NEUROG1: variants seen among roughly 807,000 people sequenced by gnomAD.
NEUROG1 encodes neurogenin-1.
A neutral mutation model predicts 5.7 loss-of-function variants in NEUROG1; 5 were observed. The observed-to-expected ratio is 0.88, with a 90% CI of 0.46 to 1.85. NEUROG1 has a LOEUF of 1.85. NEUROG1 is among the 40% of genes most tolerant of loss of function. The pLI, the probability that NEUROG1 is intolerant of heterozygous loss-of-function variation, is 0.01. For synonymous variants in NEUROG1, 196 were observed against 157.4 expected, an observed-to-expected ratio of 1.25 and a Z score of -1.84; for missense variants, 403 against 345.7, an observed-to-expected ratio of 1.17 and a Z score of -1.32.
rs1377194625 is a variant in NEUROG1, at chr5:135,535,658, G to A, written c.33C>T (p.Asp11=). MPARLETCIS[D]LDCASSSGSD... ...TGCCGCTGCTGCTGGCGCAGTCGAG[G>A]TCGGAGATGCAGGTCTCAAGGCGGG... The change falls in exon 1 of 1, where the codon GAC becomes GAT. Residue 11 remains aspartate, a synonymous_variant. Coordinates refer to ENST00000314744, the MANE Select transcript of NEUROG1 (RefSeq NM_006161.3). The A allele has an allele frequency of 1.3e-6, 2 of 1,580,108 alleles. No individual in the cohort carries two copies. Among genetic ancestry groups the A allele is most frequent in the South Asian group, 1.2e-5 (1 of 86,386 alleles).
rs765604357 is a variant in NEUROG1, at chr5:135,535,147, C to A, written c.544G>T (p.Asp182Tyr). The A allele has an allele frequency of 3.9e-5, 62 of 1,608,694 alleles. No individual in the cohort carries two copies. The highest frequency in any genetic ancestry group is 5.0e-5 in the Non-Finnish European group (59 of 1,177,688). ...GCACCTGAGCCCCAGGACTCCGCGTCGCTGGCGGGGCTTGGGGGACCGGGC... is the reference window on the plus strand; with the variant it reads ...GCACCTGAGCCCCAGGACTCCGCGTAGCTGGCGGGGCTTGGGGGACCGGGC... ...CLPGPPSPASDAESWGSGAAA... is the reference protein window; with the variant it reads ...CLPGPPSPASYAESWGSGAAA... Residue 182 changes from aspartate (D) to tyrosine (Y), a missense_variant, in exon 1 of 1, where the codon GAC (aspartate) becomes TAC (tyrosine). Coordinates refer to ENST00000314744, the MANE Select transcript of NEUROG1 (RefSeq NM_006161.3).
Position 135,535,899 on chromosome 5 carries a change from G to A in NEUROG1, c.-209C>T. 1 of 480,570 alleles carries A rather than the reference G, an allele frequency of 2.1e-6. No individual in the cohort carries two copies. The highest frequency in any genetic ancestry group is 3.7e-6 in the Non-Finnish European group (1 of 273,504). 29.8% of individuals were successfully genotyped at this position (480,570 alleles called of 1,614,324 possible). A position where few individuals can be genotyped will look rare whatever the true frequency, so the allele number is the denominator to read the frequency against. ...CTCGCCTCGCCTGCAGGGGCCACGC[G>A]CCCGGCCGGTCTCCTGAGTGATGTC... On this transcript the variant is annotated 5_prime_UTR_variant, in exon 1 of 1. Transcript: ENST00000314744.
Position 135,535,493 on chromosome 5 carries a change from G to A in NEUROG1, c.198C>T (p.Asp66=), listed in dbSNP as rs1261229301. The change falls in exon 1 of 1, where the codon GAC becomes GAT. Residue 66 remains aspartate (D), a synonymous_variant. Transcript: ENST00000314744. ...SRASEVPGAQ[D]DEQERRRRRG... Reference sequence around the variant, plus strand: ...GGCGCCGCCGCCTCTCCTGCTCGTCGTCCTGTGCCCCTGGAACCTCAGACG... The same window carrying A: ...GGCGCCGCCGCCTCTCCTGCTCGTCATCCTGTGCCCCTGGAACCTCAGACG... 6.4e-7 allele frequency: 1 copy of A among 1,572,866 alleles called. No individual in the cohort carries two copies. The highest frequency in any genetic ancestry group is 8.6e-7 in the Non-Finnish European group (1 of 1,165,360).
chr5:135,535,638 C>A lies in NEUROG1; in HGVS notation c.53G>T (p.Ser18Ile), dbSNP rs565271511. Residue 18 changes from serine (S) to isoleucine (I), a missense_variant, in exon 1 of 1, where the codon AGC becomes ATC. Ser to Ile is a moderately radical substitution (Grantham distance 142). Transcript: ENST00000314744. ...GAGGAAGCCGGATAGGTCACTGCCG[C>A]TGCTGCTGGCGCAGTCGAGGTCGGA... ...CISDLDCASSSGSDLSGFLTD... is the reference protein window; with the variant it reads ...CISDLDCASSIGSDLSGFLTD... 4 of 1,587,360 alleles carry A rather than the reference C, an allele frequency of 2.5e-6. No individual in the cohort carries two copies. The African/African-American group carries it at 5.5e-5, about 22-fold the overall frequency.
In NEUROG1 at chr5:135,534,974, G is replaced by T; in HGVS notation, c.*3C>A. The stretch of plus-strand genomic sequence containing the variant: ...GGGGAAAGTAACAGTGTCTACAAAG[G>T]GCCTAGTGGTAAGGAATGAAACAGG... On this transcript the variant is annotated 3_prime_UTR_variant, in exon 1 of 1. Coordinates refer to ENST00000314744, the MANE Select transcript of NEUROG1 (RefSeq NM_006161.3). 6.2e-7 allele frequency: 1 copy of T among 1,612,722 alleles called. No homozygotes were observed. The highest frequency in any genetic ancestry group is 1.1e-5 in the South Asian group (1 of 90,956).
Position 135,535,872 on chromosome 5 carries a change from TCCTCG to T in NEUROG1, c.-187_-183del. On this transcript the variant is annotated 5_prime_UTR_variant, in exon 1 of 1. Transcript: ENST00000314744. ...GGCGCACGGAGAACTTGGCCTGGCC[TCCTCG>T]CCTCGCCTGCAGGGGCCACGCGCCC... 1.9e-6 allele frequency: 1 copy of T among 525,902 alleles called. No homozygotes were observed. Among genetic ancestry groups the T allele is most frequent in the Non-Finnish European group, 3.2e-6 (1 of 309,284 alleles). 32.6% of individuals were successfully genotyped at this position (525,902 alleles called of 1,614,324 possible).
rs747790479 is a variant in NEUROG1 at position 135,535,282 on chromosome 5, C to T, written c.409G>A (p.Ala137Thr). The change falls in exon 1 of 1, where the codon GCC becomes ACC. Residue 137 changes from alanine (A) to threonine (T), a missense_variant. Transcript: ENST00000314744. ...KLTKIETLRFAYNYIWALAET... is the reference protein window; with the variant it reads ...KLTKIETLRFTYNYIWALAET... ...GCCAGAGCCCAGATGTAGTTGTAGG[C>T]GAAGCGCAGCGTCTCGATTTTGGTG... The T allele has an allele frequency of 1.2e-6, 2 of 1,613,536 alleles. No individual in the cohort carries two copies. Among genetic ancestry groups the T allele is most frequent in the South Asian group, 2.2e-5 (2 of 91,076 alleles).
At position 135,534,375 on chromosome 5, in the gene NEUROG1, A is replaced by G. The variant is rs1580681432; in HGVS notation, c.*602T>C. ...GAATAAACTCTTTATGTACAAAAAT[A>G]CATTTTCATATGAATGAAGCATCTT... On this transcript the variant is annotated 3_prime_UTR_variant, in exon 1 of 1. Coordinates refer to ENST00000314744, the MANE Select transcript of NEUROG1 (RefSeq NM_006161.3). 1 of 152,710 alleles carries G rather than the reference A, an allele frequency of 6.5e-6. No individual in the cohort carries two copies. Among genetic ancestry groups the G allele is most frequent in the African/African-American group, 2.4e-5 (1 of 41,472 alleles). 9.5% of individuals were successfully genotyped at this position (152,710 alleles called of 1,614,324 possible). A position where few individuals can be genotyped will look rare whatever the true frequency, so the allele number is the denominator to read the frequency against.
rs1242097870 is a variant in NEUROG1, at chr5:135,534,883, T to A, written c.*94A>T. ...TGCTTTAAAGCTCCCGCTTCCTCCC[T>A]CCGCCTGGAGAGGGGGTCCCGAGGC... On this transcript the variant is annotated 3_prime_UTR_variant, in exon 1 of 1. Transcript: ENST00000314744. 8 of 1,309,430 alleles carry A rather than the reference T, an allele frequency of 6.1e-6. No individual in the cohort carries two copies. In the African/African-American group the frequency reaches 1.2e-4, roughly 20 times the overall value. The allele number at this position is 1,309,430 out of a possible 1,614,324, so 81.1% of individuals were successfully genotyped here.
rs770607498 is a variant in NEUROG1 at position 135,535,027 on chromosome 5, G to A, written c.664C>T (p.Leu222=). The change falls in exon 1 of 1, where the codon CTG becomes TTG. Residue 222 remains leucine, a synonymous_variant. Coordinates refer to ENST00000314744, the MANE Select transcript of NEUROG1 (RefSeq NM_006161.3). Reference sequence around the variant, plus strand: ...GTTGTGTGGAGCAAGTCTTTGGGCAGGCTTGGGAAGGAGAAAACAGGGTCG... The same window carrying A: ...GTTGTGTGGAGCAAGTCTTTGGGCAAGCTTGGGAAGGAGAAAACAGGGTCG... The part of the protein sequence containing the change: ...PGDPVFSFPS[L]PKDLLHTTPC... The A allele has an allele frequency of 6.2e-7, 1 of 1,614,114 alleles. No individual in the cohort carries two copies. Among genetic ancestry groups the A allele is most frequent in the Admixed American group, 1.7e-5 (1 of 60,020 alleles).
At position 135,534,921 on chromosome 5, in the gene NEUROG1, C is replaced by G. The variant is rs987950885; in HGVS notation, c.*56G>C. The G allele has an allele frequency of 1.9e-6, 3 of 1,553,842 alleles. No homozygotes were observed. Among genetic ancestry groups the G allele is most frequent in the Admixed American group, 3.9e-5 (2 of 51,766 alleles). On this transcript the variant is annotated 3_prime_UTR_variant, in exon 1 of 1. Coordinates refer to ENST00000314744, the MANE Select transcript of NEUROG1 (RefSeq NM_006161.3). ...GGGGTCCCGAGGCGGCAGCTGGGGC[C>G]CCATCTATTGCCTGCTGACTAGGGG...
In NEUROG1 at chr5:135,535,501, C is replaced by A. The variant is rs1175911693; in HGVS notation, c.190G>T (p.Ala64Ser). 1.3e-6 allele frequency: 2 copies of A among 1,574,892 alleles called. No individual in the cohort carries two copies. The highest frequency in any genetic ancestry group is 1.7e-6 in the Non-Finnish European group (2 of 1,166,896). Residue 64 changes from alanine to serine, a missense_variant, in exon 1 of 1, where the codon GCA becomes TCA. Transcript: ENST00000314744. Reference sequence around the variant, plus strand: ...CGCCTCTCCTGCTCGTCGTCCTGTGCCCCTGGAACCTCAGACGCCCGGGAG... The same window carrying A: ...CGCCTCTCCTGCTCGTCGTCCTGTGACCCTGGAACCTCAGACGCCCGGGAG... ...NISRASEVPG[A>S]QDDEQERRRR... is the part of the protein sequence containing the mutation.
Position 135,535,297 on chromosome 5 carries a change from C to T in NEUROG1, c.394G>A (p.Glu132Lys), listed in dbSNP as rs1750512797. Residue 132 changes from glutamate (E) to lysine (K), a missense_variant, in exon 1 of 1, where the codon GAG (glutamate) becomes AAG (lysine). By Grantham distance (56) the Glu-to-Lys change is moderately conservative. Coordinates refer to ENST00000314744, the MANE Select transcript of NEUROG1 (RefSeq NM_006161.3). Reference sequence around the variant, plus strand: ...TAGTTGTAGGCGAAGCGCAGCGTCTCGATTTTGGTGAGCTTGGTGTCGTCG... The same window carrying T: ...TAGTTGTAGGCGAAGCGCAGCGTCTTGATTTTGGTGAGCTTGGTGTCGTCG... The part of the protein sequence containing the change: ...FPDDTKLTKI[E>K]TLRFAYNYIW... 1 of 1,613,478 alleles carries T rather than the reference C, an allele frequency of 6.2e-7. No homozygotes were observed. Among genetic ancestry groups the T allele is most frequent in the African/African-American group, 1.3e-5 (1 of 74,896 alleles).
rs1750534350 is a variant in NEUROG1, at chr5:135,535,826, G to A, written c.-136C>T. 12 of 843,586 alleles carry A rather than the reference G, an allele frequency of 1.4e-5. No homozygotes were observed. The highest frequency in any genetic ancestry group is 3.0e-5 in the East Asian group (1 of 33,076). 52.3% of individuals were successfully genotyped at this position (843,586 alleles called of 1,614,324 possible). ...GTTACTCTGTGCCAGTTGCGGGTGC[G>A]AGAGCCTGGAAGGGTGCAGGGGCGC... On this transcript the variant is annotated 5_prime_UTR_variant, in exon 1 of 1. Coordinates refer to ENST00000314744, the MANE Select transcript of NEUROG1 (RefSeq NM_006161.3).
In NEUROG1 at chr5:135,535,904, G is replaced by T. The variant is rs1750536799; in HGVS notation, c.-214C>A. 8.4e-6 allele frequency: 4 copies of T among 477,540 alleles called. No individual in the cohort carries two copies. The South Asian group carries it at 1.9e-4, about 22-fold the overall frequency. 29.6% of individuals were successfully genotyped at this position (477,540 alleles called of 1,614,324 possible). A position where few individuals can be genotyped will look rare whatever the true frequency, so the allele number is the denominator to read the frequency against. Reference sequence around the variant, plus strand: ...CTCGCCTGCAGGGGCCACGCGCCCGGCCGGTCTCCTGAGTGATGTCGCCGG... The same window carrying T: ...CTCGCCTGCAGGGGCCACGCGCCCGTCCGGTCTCCTGAGTGATGTCGCCGG... On this transcript the variant is annotated 5_prime_UTR_variant, in exon 1 of 1. Coordinates refer to ENST00000314744, the MANE Select transcript of NEUROG1 (RefSeq NM_006161.3).
Position 135,535,136 on chromosome 5 carries a change from G to A in NEUROG1, c.555C>T (p.Ser185=). The change falls in exon 1 of 1, where the codon TCC becomes TCT. Residue 185 remains serine (S), a synonymous_variant. Transcript: ENST00000314744. ...AGGCGGCGGCGGCACCTGAGCCCCA[G>A]GACTCCGCGTCGCTGGCGGGGCTTG... ...GPPSPASDAE[S]WGSGAAAASP... is the part of the protein sequence containing the mutation. 1.2e-6 allele frequency: 2 copies of A among 1,609,576 alleles called. No individual in the cohort carries two copies. The highest frequency in any genetic ancestry group is 2.2e-5 in the East Asian group (1 of 44,762).
At position 135,535,051 on chromosome 5, in the gene NEUROG1, C is replaced by T. The variant is rs762486684; in HGVS notation, c.640G>A (p.Asp214Asn). The change falls in exon 1 of 1, where the codon GAC becomes AAC. Residue 214 changes from aspartate (D) to asparagine (N), a missense_variant. Asp to Asn is a conservative substitution (Grantham distance 23, BLOSUM62 1). Transcript: ENST00000314744. ...AGGCTTGGGAAGGAGAAAACAGGGTCGCCGGGGCGGTAGGTGAAGTCTTCG... is the reference window on the plus strand; with the variant it reads ...AGGCTTGGGAAGGAGAAAACAGGGTTGCCGGGGCGGTAGGTGAAGTCTTCG... ...ASEDFTYRPG[D>N]PVFSFPSLPK... 6.2e-6 allele frequency: 10 copies of T among 1,613,838 alleles called. No homozygotes were observed. The East Asian group carries it at 1.8e-4, about 29-fold the overall frequency.
chr5:135,535,087 G>C lies in NEUROG1; in HGVS notation c.604C>G (p.Pro202Ala). Residue 202 changes from proline to alanine, a missense_variant, in exon 1 of 1, where the codon CCA becomes GCA. By Grantham distance (27) the Pro-to-Ala change is conservative. Coordinates refer to ENST00000314744, the MANE Select transcript of NEUROG1 (RefSeq NM_006161.3). The part of the protein sequence containing the change: ...AASPLSDPSS[P>A]AASEDFTYRP... ...TAGGTGAAGTCTTCGGAGGCGGCTGGGCTACTGGGGTCAGAGAGCGGGGAG... is the reference window on the plus strand; with the variant it reads ...TAGGTGAAGTCTTCGGAGGCGGCTGCGCTACTGGGGTCAGAGAGCGGGGAG... 2 of 1,613,368 alleles carry C rather than the reference G, an allele frequency of 1.2e-6. No individual in the cohort carries two copies. The highest frequency in any genetic ancestry group is 8.5e-7 in the Non-Finnish European group (1 of 1,179,734).
chr5:135,535,609 C>T lies in NEUROG1; in HGVS notation c.82G>A (p.Asp28Asn). ...SGSDLSGFLT[D>N]EEDCARLQQA... ...TGGAGTCTGGCACAGTCTTCCTCGTCGGTGAGGAAGCCGGATAGGTCACTG... is the reference window on the plus strand; with the variant it reads ...TGGAGTCTGGCACAGTCTTCCTCGTTGGTGAGGAAGCCGGATAGGTCACTG... The change falls in exon 1 of 1, where the codon GAC becomes AAC. Residue 28 changes from aspartate to asparagine, a missense_variant. Coordinates refer to ENST00000314744, the MANE Select transcript of NEUROG1 (RefSeq NM_006161.3). The T allele has an allele frequency of 6.3e-7, 1 of 1,595,322 alleles. No individual in the cohort carries two copies. The highest frequency in any genetic ancestry group is 1.1e-5 in the South Asian group (1 of 89,084).
Sources: allele counts gnomAD v4.1 joint callset, GRCh38; gene constraint gnomAD v4.1.1; transcripts MANE v1.5; gene names NCBI Gene and HGNC (gene_info 2026-07-23, HGNC 2026-07-21).